FAM124A: variants seen among roughly 807,000 people sequenced by gnomAD.
The protein encoded by FAM124A is family with sequence similarity 124 member A.
In FAM124A, 23 loss-of-function variants were observed where a neutral mutation model predicts 24.5. That is an observed-to-expected ratio of 0.94 (90% CI 0.68 to 1.33). FAM124A has a LOEUF of 1.33. Among genes scored for constraint, FAM124A ranks in the 40% most tolerant of loss-of-function variants. The pLI, the probability that FAM124A is intolerant of heterozygous loss-of-function variation, is 0.00. For synonymous variants in FAM124A, 287 were observed against 314.7 expected, an observed-to-expected ratio of 0.91 and a Z score of 0.93; for missense variants, 623 against 722.8, an observed-to-expected ratio of 0.86 and a Z score of 1.58.
intron 2 of FAM124A, among the ~76,000 whole-genome samples, chr13:51,242,519 A>G (rs573462096): frequency 1.6e-4 from 25 of 152,274 alleles, no homozygotes; most frequent in African/African-American, 5.5e-4. Flanking sequence ...AACTAATTAC[A>G]TATCAACCTT....
intron 2 of FAM124A, among the ~76,000 whole-genome samples, chr13:51,241,212 C>G (rs866907158): frequency 2.6e-4 from 40 of 152,318 alleles, no homozygotes; most frequent in African/African-American, 9.4e-4. Flanking sequence ...CAGTGAACAG[C>G]CAGGACTCTG....
At chr13:51,244,205 A>G (rs1160434821) in intron 2 of FAM124A, among the ~76,000 whole-genome samples, 1 of 152,146 alleles carries the variant, frequency 6.6e-6, no homozygotes, top group Non-Finnish European at 1.5e-5. Context: ...TCAATGGTAA[A>G]TTGTTACAGC....
chr13:51,265,089 A>T (rs894963151), intron 3 of FAM124A, among the ~76,000 whole-genome samples: 4 of 152,196 alleles, frequency 2.6e-5, no homozygotes, highest in African/African-American at 9.7e-5. Context: ...TGGCTGTACC[A>T]GTCAGGGCTC....
rs771321051 is a variant in FAM124A, at chr13:51,280,670, A to C, written c.1055A>C (p.Asn352Thr). 3 of 1,613,724 alleles carry C rather than the reference A, an allele frequency of 1.9e-6. No individual in the cohort carries two copies. The East Asian group carries it at 6.7e-5, about 36-fold the overall frequency. ...EFAGRANSTP[N>T]PPWSFQRSKS... ...GCCGGACGAGCCAACAGCACCCCCA[A>C]CCCTCCCTGGTCTTTCCAGAGAAGC... The change falls in exon 4 of 4, where the codon AAC becomes ACC. Residue 352 changes from asparagine to threonine, a missense_variant. Physicochemically the swap from Asn to Thr is moderately conservative, Grantham distance 65. Transcript: ENST00000322475.
At chr13:51,266,792 T>A (rs1954790182) in intron 3 of FAM124A, among the ~76,000 whole-genome samples, 1 of 152,228 alleles carries the variant, frequency 6.6e-6, no homozygotes, top group African/African-American at 2.4e-5. Context: ...CAGCATCTGC[T>A]ACTGTAGTTA....
intron 3 of FAM124A, among the ~76,000 whole-genome samples, chr13:51,273,699 AT>A (rs1449416978): frequency 6.6e-6 from 1 of 152,250 alleles, no homozygotes; most frequent in African/African-American, 2.4e-5. Context: ...AATTATCTGG[AT>A]AATTCAAAAA....
At chr13:51,235,598 TA>T (rs144374098) in intron 2 of FAM124A, among the ~76,000 whole-genome samples, 13,717 of 152,298 alleles carry the variant, frequency 0.09, 781 homozygotes, top group East Asian at 0.25. Flanking sequence ...AAGAATTAAC[TA>T]GTCCTATTTG....
At chr13:51,255,056 G>A (rs1954661428) in intron 3 of FAM124A, among the ~76,000 whole-genome samples, 1 of 152,060 alleles carries the variant, frequency 6.6e-6, no homozygotes, top group Admixed American at 6.6e-5. Context: ...ACATGAAAGG[G>A]GGAGAGAGAA....
chr13:51,276,960 G>A (rs895259286), intron 3 of FAM124A, among the ~76,000 whole-genome samples: 8 of 152,146 alleles, frequency 5.3e-5, no homozygotes, highest in South Asian at 2.1e-4. Context: ...GGCTCCTGGG[G>A]GAGGGGCAGA....
chr13:51,251,027 G>A lies in FAM124A; in HGVS notation c.101-441G>A, dbSNP rs117066559. Among the ~76,000 whole-genome samples, 8 of 152,300 alleles carry A rather than the reference G, an allele frequency of 5.3e-5. No homozygotes were observed. The highest frequency in any genetic ancestry group is 1.2e-4 in the Non-Finnish European group (8 of 68,024). On this transcript the variant is annotated intron_variant, in intron 2 of 3. Coordinates refer to ENST00000322475, the MANE Select transcript of FAM124A (RefSeq NM_001242312.2). This position sits in a 1 kb window ranked among gnomAD's most constrained non-coding sequence, Gnocchi z 5.3. ...AAACCAGAGGAGTGCGTTTGTGTAG[G>A]GAACATGTATGGGGCAAGGCCCTGC...
chr13:51,240,391 T>G (rs6561625), intron 2 of FAM124A, among the ~76,000 whole-genome samples: 89,527 of 152,104 alleles, frequency 0.59, 29,648 homozygotes, highest in Non-Finnish European at 0.76. Flanking sequence ...ACAAAGGAAG[T>G]GAAGCTGAGC....
chr13:51,277,798 AAG>A (rs1200459801), intron 3 of FAM124A, among the ~76,000 whole-genome samples: 2 of 103,702 alleles, frequency 1.9e-5, no homozygotes, highest in Admixed American at 9.9e-5. Flanking sequence ...GTCTCAAAAA[AAG>A]AGAGAAAGGA....
At chr13:51,227,637 T>G (rs1180949004) in intron 1 of FAM124A, among the ~76,000 whole-genome samples, 1 of 152,254 alleles carries the variant, frequency 6.6e-6, no homozygotes, top group African/African-American at 2.4e-5. Context: ...CAGTTCCTTG[T>G]AAACCCAAAT....
intron 1 of FAM124A, among the ~76,000 whole-genome samples, chr13:51,223,900 C>T (rs547762242): frequency 3.3e-5 from 5 of 152,150 alleles, no homozygotes; most frequent in Non-Finnish European, 7.3e-5. Context: ...GCAAAATTAA[C>T]CAGCTTATTT....
chr13:51,238,267 G>A (rs1280354742), intron 2 of FAM124A, among the ~76,000 whole-genome samples: 2 of 152,088 alleles, frequency 1.3e-5, no homozygotes, highest in African/African-American at 4.8e-5. Context: ...TGTGGTCCAG[G>A]GACCACTGCA....
chr13:51,267,062 G>A (rs573421473), intron 3 of FAM124A, among the ~76,000 whole-genome samples: 4 of 152,292 alleles, frequency 2.6e-5, no homozygotes, highest in Non-Finnish European at 5.9e-5. Context: ...TAGGAGAGCC[G>A]ATGGGGGAAA....
chr13:51,234,395 C>T (rs1954413661), intron 2 of FAM124A, among the ~76,000 whole-genome samples: 1 of 152,182 alleles, frequency 6.6e-6, no homozygotes, highest in Non-Finnish European at 1.5e-5. Flanking sequence ...GGGGCTGCTT[C>T]CTCATGCCAG....
chr13:51,257,121 G>A (rs1021547083), intron 3 of FAM124A, among the ~76,000 whole-genome samples: 1 of 152,176 alleles, frequency 6.6e-6, no homozygotes, highest in African/African-American at 2.4e-5. Context: ...CTTGGCTACT[G>A]TGAATAACAC....
At position 51,223,476 on chromosome 13, in the gene FAM124A, G is replaced by T. The variant is rs563967823; in HGVS notation, c.68+907G>T. On this transcript the variant is annotated intron_variant, in intron 1 of 3. Coordinates refer to ENST00000322475, the MANE Select transcript of FAM124A (RefSeq NM_001242312.2). Reference sequence around the variant, plus strand: ...GTAATCCTGGGGGAGGGCGGGAGCTGCCTAGACTACAGAAAGCCTCATTCC... The same window carrying T: ...GTAATCCTGGGGGAGGGCGGGAGCTTCCTAGACTACAGAAAGCCTCATTCC... Among the ~76,000 whole-genome samples the T allele has an allele frequency of 4.6e-5, 7 of 152,208 alleles. No individual in the cohort carries two copies. In the South Asian group the frequency reaches 1.5e-3, roughly 32 times the overall value.
Sources: allele counts gnomAD v4.1 joint callset (sites outside exome capture counted in the v4.1 genomes callset), GRCh38; gene constraint gnomAD v4.1.1; non-coding constraint Gnocchi (gnomAD v3.1); transcripts MANE v1.5; gene names NCBI Gene and HGNC (gene_info 2026-07-23, HGNC 2026-07-21).